CERKL: variants seen among roughly 807,000 people sequenced by gnomAD.
CERKL encodes ceramide kinase-like protein.
In CERKL, 61 loss-of-function variants were observed where a neutral mutation model predicts 63.4. The ratio of observed to expected loss-of-function variants is 0.96; its 90% CI spans 0.78 to 1.19. The LOEUF is 1.19. Ranked by LOEUF, CERKL falls within the 50% of genes most tolerant of loss-of-function variation. CERKL has a pLI of 0.00. For synonymous variants in CERKL, 250 were observed against 230.5 expected (o/e 1.08, Z -0.77); for missense variants, 675 against 655.5 (o/e 1.03, Z -0.33).
In CERKL at chr2:181,633,378, T is replaced by C. The variant is rs1330195220; in HGVS notation, c.238+23391A>G. On this transcript the variant is annotated intron_variant, in intron 1 of 12. Transcript: ENST00000410087. ...CAACAGCTGATACACAGAAAGCAGA[T>C]GAGTAGAAAATAAAAGTAAATTGTT... Among the ~76,000 whole-genome samples the C allele has an allele frequency of 2.0e-5, 3 of 152,280 alleles. No homozygotes were observed. The East Asian group carries it at 5.8e-4, about 29-fold the overall frequency.
chr2:181,637,399 G>C (rs1687224988), intron 1 of CERKL, among the ~76,000 whole-genome samples: 1 of 152,128 alleles, frequency 6.6e-6, no homozygotes, highest in Non-Finnish European at 1.5e-5. Context: ...CTCCAACAGA[G>C]AGGTCAATAA....
chr2:181,603,872 T>A lies in CERKL; in HGVS notation c.446A>T (p.Asp149Val), dbSNP rs1685560582. 6.2e-7 allele frequency: 1 copy of A among 1,613,220 alleles called. No homozygotes were observed. The highest frequency in any genetic ancestry group is 1.3e-5 in the African/African-American group (1 of 75,030). ...TTTCTTGAACTGTCTAAACCATATG[T>A]CACAGTGGTCTTCACTTAAATTAAT... Reference protein sequence around the residue: ...DLINLSEDHCDIWFRQFKKIL... With the variant: ...DLINLSEDHCVIWFRQFKKIL... The change falls in exon 2 of 13, where the codon GAC becomes GTC. Residue 149 changes from aspartate to valine, a missense_variant. By Grantham distance (152) the Asp-to-Val change is radical. Coordinates refer to ENST00000410087, the MANE Select transcript of CERKL (RefSeq NM_201548.5).
At chr2:181,548,009 T>G in intron 8 of CERKL, 162 bp from the exon 9 acceptor site, 1 of 673,000 alleles carries the variant, frequency 1.5e-6, no homozygotes, top group South Asian at 1.9e-5. Context: ...ACAATTTTGT[T>G]GCTGCCAACA....
At position 181,608,173 on chromosome 2, in the gene CERKL, T is replaced by C. The variant is rs1306588565; in HGVS notation, c.239-4094A>G. Among the ~76,000 whole-genome samples the C allele has an allele frequency of 2.2e-5, 3 of 137,836 alleles. No homozygotes were observed. The East Asian group carries it at 6.0e-4, about 28-fold the overall frequency. 90.4% of individuals were successfully genotyped at this position (137,836 alleles called of 152,430 possible). A position where few individuals can be genotyped will look rare whatever the true frequency, so the allele number is the denominator to read the frequency against. ...GTGTGCATCATCACACCCAGCTCAC[T>C]TTTTTTTTTTTAAGAGTTGCCTCTA... On this transcript the variant is annotated intron_variant, in intron 1 of 12. Transcript: ENST00000410087.
chr2:181,656,729 G>A lies in CERKL; in HGVS notation c.238+40C>T, dbSNP rs1280631418. The A allele has an allele frequency of 2.0e-6, 3 of 1,502,176 alleles. No homozygotes were observed. In the African/African-American group the frequency reaches 4.2e-5, roughly 21 times the overall value. The allele number at this position is 1,502,176 out of a possible 1,614,324, so 93.1% of individuals were successfully genotyped here. A position where few individuals can be genotyped will look rare whatever the true frequency, so the allele number is the denominator to read the frequency against. ...GCCTTGGGCCGGGGAGAGGGAGGAA[G>A]CGCGGAGGGAGGCGAAGACGCTTGG... On this transcript the variant is annotated intron_variant, in intron 1 of 12. Coordinates refer to ENST00000410087, the MANE Select transcript of CERKL (RefSeq NM_201548.5).
At chr2:181,614,384 G>A (rs973665708) in intron 1 of CERKL, among the ~76,000 whole-genome samples, 1 of 152,088 alleles carries the variant, frequency 6.6e-6, no homozygotes, top group South Asian at 2.1e-4. Context: ...AGAAAAAAGG[G>A]AAAACAAACC....
chr2:181,539,333 T>C (rs906632573), intron 11 of CERKL, 69 bp from the exon 12 acceptor site: 20 of 973,068 alleles, frequency 2.1e-5, no homozygotes, highest in Non-Finnish European at 2.5e-5. Context: ...CAAAGTTCAC[T>C]GAGCCCTCTC....
At chr2:181,650,970 CAAGATT>C (rs1687909803) in intron 1 of CERKL, among the ~76,000 whole-genome samples, 1 of 152,124 alleles carries the variant, frequency 6.6e-6, no homozygotes, top group African/African-American at 2.4e-5. Context: ...TACAACCTAT[CAAGATT>C]AAGTTAGGAA....
intron 1 of CERKL, among the ~76,000 whole-genome samples, chr2:181,608,538 A>G (rs1685818931): frequency 6.6e-6 from 1 of 152,202 alleles, no homozygotes; most frequent in Non-Finnish European, 1.5e-5. Context: ...TCTGAATTTA[A>G]CATGTTTGTG....
intron 1 of CERKL, among the ~76,000 whole-genome samples, chr2:181,616,448 G>A (rs1035503654): frequency 1.1e-4 from 16 of 152,076 alleles, no homozygotes; most frequent in South Asian, 2.1e-4. Context: ...TCCTGACCTC[G>A]TGATCCGCCT....
chr2:181,582,942 G>T (rs1216073750), intron 2 of CERKL, among the ~76,000 whole-genome samples: 2 of 152,048 alleles, frequency 1.3e-5, no homozygotes, highest in African/African-American at 4.8e-5. Flanking sequence ...CCACAGTCTT[G>T]CCCATCTCAC....
At chr2:181,568,065 C>A (rs1466875397) in intron 3 of CERKL, among the ~76,000 whole-genome samples, 1 of 152,134 alleles carries the variant, frequency 6.6e-6, no homozygotes, top group Non-Finnish European at 1.5e-5. Flanking sequence ...ACACAATTCT[C>A]ACTGCTGGGA....
At chr2:181,588,647 A>G (rs1262459417) in intron 2 of CERKL, among the ~76,000 whole-genome samples, 1 of 152,094 alleles carries the variant, frequency 6.6e-6, no homozygotes, top group East Asian at 1.9e-4. Context: ...TCTACTTTAA[A>G]CTGTTTGAGG....
At position 181,538,230 on chromosome 2, in the gene CERKL, A is replaced by C. The variant is rs1458662775; in HGVS notation, c.1553T>G (p.Leu518Arg). 1.3e-6 allele frequency: 2 copies of C among 1,586,962 alleles called. No homozygotes were observed. Among genetic ancestry groups the C allele is most frequent in the South Asian group, 2.2e-5 (2 of 90,486 alleles). The change falls in exon 13 of 13, where the codon CTT becomes CGT. Residue 518 changes from leucine (L) to arginine (R), a missense_variant. Leu to Arg is a moderately radical substitution (Grantham distance 102, BLOSUM62 -2). Coordinates refer to ENST00000410087, the MANE Select transcript of CERKL (RefSeq NM_201548.5). ...CATGCTTCCTCCATAAAGACTGATA[A>C]GTCTTGGATGCAATCTGTAAAGAAA... ...SEVHIRLHPR[L>R]ISLYGGSMEE... is the part of the protein sequence containing the mutation.
chr2:181,564,662 A>T (rs540232238), intron 4 of CERKL, among the ~76,000 whole-genome samples: 1 of 152,204 alleles, frequency 6.6e-6, no homozygotes, highest in East Asian at 1.9e-4. Context: ...ACATTCTGTA[A>T]TGCTGCTGTG....
In CERKL at chr2:181,548,530, T is replaced by C; in HGVS notation, c.1133+15A>G. On this transcript the variant is annotated intron_variant, in intron 8 of 12. Transcript: ENST00000410087. ...AAGATACAGGTTATCTGTATTACAT[T>C]GAGTTTTTACCTACCTTTCTTGCAC... 1 of 1,565,386 alleles carries C rather than the reference T, an allele frequency of 6.4e-7. No homozygotes were observed. The highest frequency in any genetic ancestry group is 8.8e-7 in the Non-Finnish European group (1 of 1,137,018).
intron 2 of CERKL, among the ~76,000 whole-genome samples, chr2:181,592,716 T>C (rs771919224): frequency 1.3e-5 from 2 of 152,228 alleles, no homozygotes; most frequent in African/African-American, 4.8e-5. Context: ...CTGCCTGAGT[T>C]TGAATCCCAA....
At chr2:181,647,127 G>A (rs1687703173) in intron 1 of CERKL, among the ~76,000 whole-genome samples, 1 of 152,166 alleles carries the variant, frequency 6.6e-6, no homozygotes, top group Non-Finnish European at 1.5e-5. Context: ...AAGCTGAAGA[G>A]ATGGGATGGG....
chr2:181,584,411 T>C (rs1684670237), intron 2 of CERKL, among the ~76,000 whole-genome samples: 1 of 151,490 alleles, frequency 6.6e-6, no homozygotes, highest in African/African-American at 2.4e-5. Context: ...ACTAGGGAGG[T>C]TGAGGTGGGA....
Sources: allele counts gnomAD v4.1 joint callset (sites outside exome capture counted in the v4.1 genomes callset), GRCh38; gene constraint gnomAD v4.1.1; transcripts MANE v1.5; gene names NCBI Gene and HGNC (gene_info 2026-07-23, HGNC 2026-07-21).